ACTR8: variants seen among roughly 807,000 people sequenced by gnomAD.
ACTR8 encodes the protein actin-related protein 8.
ACTR8 carries 70 observed loss-of-function variants against 84.3 expected under a neutral mutation model. The observed-to-expected ratio is 0.83, with a 90% CI of 0.68 to 1.01. The LOEUF (loss-of-function observed/expected upper bound fraction) is 1.01. Among genes scored for constraint, ACTR8 ranks in the 50% least tolerant of loss-of-function variants. The probability of loss-of-function intolerance (pLI) is 0.00; values close to 1 mark genes in which losing one functional copy is unlikely to be tolerated. For missense variants in ACTR8, 672 were observed against 775.4 expected (o/e 0.87, Z 1.58); for synonymous variants, 268 against 275.2 (o/e 0.97, Z 0.26).
chr3:53,879,957 G>A lies in ACTR8; in HGVS notation c.276C>T (p.Leu92=), dbSNP rs765336521. 2 of 1,612,876 alleles carry A rather than the reference G, an allele frequency of 1.2e-6. No homozygotes were observed. Among genetic ancestry groups the A allele is most frequent in the African/African-American group, 1.3e-5 (1 of 74,868 alleles). The change falls in exon 2 of 13, where the codon CTC becomes CTT. Residue 92 remains leucine (L), a synonymous_variant. Transcript: ENST00000335754. ...QGQPLYKDSW[L]LREGLNKPES... is the part of the protein sequence containing the mutation. ...GACTTACATTTAGTCCCTCCCTTAG[G>A]AGCCAACTGTCCTTGTATAGGGGCT...
At chr3:53,865,151 T>C (rs2232350), downstream of ACTR8, 15,459 of 1,614,140 alleles carry the variant, frequency 9.6e-3, 829 homozygotes, top group East Asian at 0.16. Context: ...TTTAGAGAGA[T>C]TGATACAAAA....
In ACTR8 at chr3:53,870,728, C is replaced by T. The variant is rs1471590418; in HGVS notation, c.1567+504G>A. Among the ~76,000 whole-genome samples, 1 of 152,176 alleles carries T rather than the reference C, an allele frequency of 6.6e-6. No individual in the cohort carries two copies. The highest frequency in any genetic ancestry group is 2.4e-5 in the African/African-American group (1 of 41,438). ...TCCCCTGCTTCTCTAGCCTCATCCT[C>T]ACACCCTGCTTCCCAGCCACACAGG... On this transcript the variant is annotated intron_variant, in intron 11 of 12. Coordinates refer to ENST00000335754, the MANE Select transcript of ACTR8 (RefSeq NM_022899.5). The surrounding 1 kb of genome is among the most constrained non-coding windows in gnomAD (Gnocchi z 4.1).
the ACTR8 span, chr3:53,859,657 A>G: frequency 1.3e-5 from 2 of 153,252 alleles, no homozygotes; most frequent in Admixed American, 1.3e-4. Context: ...AACTGGACAG[A>G]AACCCTAGTT....
Position 53,881,830 on chromosome 3 carries a change from C to G in ACTR8, c.123+149G>C, listed in dbSNP as rs556138539. The G allele has an allele frequency of 3.0e-6, 4 of 1,335,474 alleles. No homozygotes were observed. In the African/African-American group the frequency reaches 6.0e-5, roughly 20 times the overall value. 82.7% of individuals were successfully genotyped at this position (1,335,474 alleles called of 1,614,324 possible). A position where few individuals can be genotyped will look rare whatever the true frequency, so the allele number is the denominator to read the frequency against. On this transcript the variant is annotated intron_variant, in intron 1 of 12. Transcript: ENST00000335754. The stretch of plus-strand genomic sequence containing the variant: ...CCCTCGGCGTCCCGGCGCGCCACCA[C>G]CCGGAAAAGAACGACCGCTTCCGCA...
rs199573495 is a variant in ACTR8 at position 53,876,083 on chromosome 3, G to GC, written c.779-4_779-3insG. 2.5e-4 allele frequency: 390 copies of GC among 1,546,288 alleles called. 1 individual carries two copies. In the African/African-American group the frequency reaches 6.4e-3, roughly 25 times the overall value. On this transcript the variant is annotated splice_region_variant and splice_polypyrimidine_tract_variant and intron_variant, in intron 6 of 12. Transcript: ENST00000335754. ...AGACTCCTGATGGACCACAATCCCT[G>GC]GGGGGGGAAAAGAAAAGGCAGAGTA...
chr3:53,875,774 G>A (rs377609942), intron 7 of ACTR8, among the ~76,000 whole-genome samples, 174 bp downstream of exon 7: 2 of 152,336 alleles, frequency 1.3e-5, no homozygotes, highest in East Asian at 1.9e-4. Flanking sequence ...AAAATGATTC[G>A]TTTTAGTTTT....
chr3:53,861,775 A>G, the ACTR8 span, among the ~76,000 whole-genome samples: 1 of 152,238 alleles, frequency 6.6e-6, no homozygotes, highest in African/African-American at 2.4e-5. Flanking sequence ...TGCCATTAAG[A>G]AAATCACTGA....
At chr3:53,877,444 T>C (rs561376027) in intron 4 of ACTR8, 57 bp from the exon 5 acceptor site, 1 of 1,501,440 alleles carries the variant, frequency 6.7e-7, no homozygotes, top group East Asian at 2.3e-5. Context: ...CAAGGTTTTC[T>C]GGATTCATAT....
At chr3:53,879,853 GTTTC>G (rs1700031525) in intron 2 of ACTR8, 82 bp downstream of exon 2, 2 of 1,300,568 alleles carry the variant, frequency 1.5e-6, no homozygotes, top group South Asian at 1.7e-5. Flanking sequence ...CTATGAAGAT[GTTTC>G]TTTAAGATTC....
At chr3:53,868,907 A>ACG in intron 12 of ACTR8, 45 bp from the exon 13 acceptor site, 2 of 1,581,340 alleles carry the variant, frequency 1.3e-6, no homozygotes, top group Non-Finnish European at 8.6e-7. Context: ...CATAAGACAT[A>ACG]TACTCAATCA....
the ACTR8 span, chr3:53,860,488 T>C: frequency 3.2e-6 from 1 of 312,774 alleles, no homozygotes; most frequent in East Asian, 5.2e-5. Flanking sequence ...CTACCAGTAC[T>C]GAAATGGGCA....
chr3:53,866,493 T>C (rs1282937631), downstream of ACTR8, among the ~76,000 whole-genome samples: 2 of 152,176 alleles, frequency 1.3e-5, no homozygotes, highest in Non-Finnish European at 2.9e-5. Context: ...TTAAATTTTT[T>C]TTTTTTGAGA....
chr3:53,865,760 G>C (rs1347979359), downstream of ACTR8: 1 of 154,602 alleles, frequency 6.5e-6, no homozygotes, highest in African/African-American at 2.4e-5. Context: ...TTGTTTTTAA[G>C]ATAACAAAAG....
chr3:53,864,880 A>C, downstream of ACTR8: 1 of 1,614,244 alleles, frequency 6.2e-7, no homozygotes, highest in Non-Finnish European at 8.5e-7. Context: ...CCATTGCAGA[A>C]GTGAGGTCAT....
chr3:53,881,716 GCACA>G, intron 1 of ACTR8: 2 of 565,388 alleles, frequency 3.5e-6, no homozygotes, highest in Non-Finnish European at 6.2e-6. Context: ...GGGCAGGAGC[GCACA>G]CAACCAGACG....
chr3:53,878,093 T>A (rs1700003463), intron 3 of ACTR8, among the ~76,000 whole-genome samples: 1 of 152,202 alleles, frequency 6.6e-6, no homozygotes, highest in Non-Finnish European at 1.5e-5. Context: ...GTAAGAACAG[T>A]TTCCCACCAA....
chr3:53,873,846 A>C (rs1481098362), intron 8 of ACTR8, among the ~76,000 whole-genome samples: 1 of 152,132 alleles, frequency 6.6e-6, no homozygotes. Context: ...TTATTTTGAG[A>C]TGGAGTCTCG....
chr3:53,862,800 T>C (rs576373918), downstream of ACTR8, among the ~76,000 whole-genome samples: 21 of 152,304 alleles, frequency 1.4e-4, no homozygotes, highest in South Asian at 4.4e-3. Flanking sequence ...GCATTAAACC[T>C]AAAGCAAGTG....
rs569807798 is a variant in ACTR8, at chr3:53,867,464, C to T, written c.*1255G>A. The T allele has an allele frequency of 2.6e-5, 4 of 152,354 alleles. No homozygotes were observed. The East Asian group carries it at 7.7e-4, about 29-fold the overall frequency. The allele number at this position is 152,354 out of a possible 1,614,324, so 9.4% of individuals were successfully genotyped here. On this transcript the variant is annotated 3_prime_UTR_variant, in exon 13 of 13. Coordinates refer to ENST00000335754, the MANE Select transcript of ACTR8 (RefSeq NM_022899.5). ...TCATTTGTAACCTACTGAGCAGTTA[C>T]AGAGGGTACTCCCATTGATACAAAA... is the stretch of plus-strand genomic sequence containing the variant.
Sources: gnomAD v4.1 joint callset for allele counts (sites outside exome capture counted in the v4.1 genomes callset) on GRCh38, gnomAD v4.1.1 for gene constraint, Gnocchi (gnomAD v3.1) non-coding constraint, MANE v1.5 for transcripts, NCBI Gene and HGNC (gene_info 2026-07-23, HGNC 2026-07-21) for gene names.